RGS21: variants seen among roughly 807,000 people sequenced by gnomAD.
RGS21 encodes regulator of G protein signaling 21.
A neutral mutation model predicts 18.7 loss-of-function variants in RGS21; 19 were observed. The observed-to-expected ratio is 1.01, with a 90% CI of 0.71 to 1.49. The LOEUF (loss-of-function observed/expected upper bound fraction) is 1.49. RGS21 is among the 40% of genes most tolerant of loss of function. RGS21 has a pLI of 0.00. For synonymous variants in RGS21, 56 were observed against 57.8 expected (o/e 0.97, Z 0.14); for missense variants, 194 against 176.8 (o/e 1.10, Z -0.55).
rs1658997741 is a variant in RGS21 at position 192,349,165 on chromosome 1, C to A, written c.88+1776C>A. Among the ~76,000 whole-genome samples, 5 of 152,142 alleles carry A rather than the reference C, an allele frequency of 3.3e-5. No individual in the cohort carries two copies. In the South Asian group the frequency reaches 1.0e-3, roughly 32 times the overall value. ...AATTATCTCTCTGTGTGTTGTGACT[C>A]AGAAGAATCCAGAGTGGTGGAAGTC... is the stretch of plus-strand genomic sequence containing the variant. On this transcript the variant is annotated intron_variant, in intron 3 of 4. Coordinates refer to ENST00000417209, the MANE Select transcript of RGS21 (RefSeq NM_001039152.3).
chr1:192,342,670 T>C (rs576203846), intron 1 of RGS21, among the ~76,000 whole-genome samples: 1 of 151,788 alleles, frequency 6.6e-6, no homozygotes, highest in Admixed American at 6.6e-5. Context: ...ATATTTATAA[T>C]ATGTATATCA....
chr1:192,358,440 A>G (rs1385914861), intron 4 of RGS21, among the ~76,000 whole-genome samples: 1 of 152,052 alleles, frequency 6.6e-6, no homozygotes, highest in Non-Finnish European at 1.5e-5. Flanking sequence ...TGATGCCAAA[A>G]TGAAGTAATA....
intron 4 of RGS21, among the ~76,000 whole-genome samples, chr1:192,362,055 T>C (rs1659193813): frequency 6.6e-6 from 1 of 152,128 alleles, no homozygotes; most frequent in African/African-American, 2.4e-5. Flanking sequence ...AGGTAAAATA[T>C]TCACTTTGGG....
chr1:192,329,710 T>C (rs1278714863), intron 1 of RGS21, among the ~76,000 whole-genome samples: 1 of 152,056 alleles, frequency 6.6e-6, no homozygotes, highest in Non-Finnish European at 1.5e-5. Context: ...ATAATCTTAC[T>C]GCCTCAGGCA....
rs1021322901 is a variant in RGS21, at chr1:192,364,657, C to T, written c.256-1264C>T. On this transcript the variant is annotated intron_variant, in intron 4 of 4. Transcript: ENST00000417209. Reference sequence around the variant, plus strand: ...ATAAATTGTCATTTATAGTTCCATACTCCAAAATTCTAACATTTTTACCAT... The same window carrying T: ...ATAAATTGTCATTTATAGTTCCATATTCCAAAATTCTAACATTTTTACCAT... Among the ~76,000 whole-genome samples, 3 of 152,064 alleles carry T rather than the reference C, an allele frequency of 2.0e-5. No individual in the cohort carries two copies. The East Asian group carries it at 5.8e-4, about 29-fold the overall frequency.
chr1:192,324,235 A>G (rs1287656397), intron 1 of RGS21, among the ~76,000 whole-genome samples: 1 of 152,056 alleles, frequency 6.6e-6, no homozygotes, highest in Non-Finnish European at 1.5e-5. Flanking sequence ...TTTGGTTGAA[A>G]CAAAGTTAGT....
chr1:192,365,653 G>A (rs952246530), intron 4 of RGS21, among the ~76,000 whole-genome samples: 1 of 152,028 alleles, frequency 6.6e-6, no homozygotes, highest in Non-Finnish European at 1.5e-5. Context: ...AAAATATCTT[G>A]CTTGCTTTTT....
intron 4 of RGS21, among the ~76,000 whole-genome samples, chr1:192,359,643 A>ATGTG (rs541800064): frequency 2.1e-4 from 27 of 126,526 alleles, no homozygotes; most frequent in Admixed American, 1.8e-3. Flanking sequence ...ATATGTTTAT[A>ATGTG]TGTGTGTGTG....
intron 1 of RGS21, among the ~76,000 whole-genome samples, chr1:192,339,245 T>A (rs896160116): frequency 9.9e-5 from 15 of 152,032 alleles, no homozygotes; most frequent in African/African-American, 3.6e-4. Flanking sequence ...GAACATTGTT[T>A]AGCACTTGCA....
In RGS21 at chr1:192,366,220, A is replaced by G; in HGVS notation, c.*96A>G. 1 of 778,664 alleles carries G rather than the reference A, an allele frequency of 1.3e-6. No homozygotes were observed. The highest frequency in any genetic ancestry group is 2.1e-6 in the Non-Finnish European group (1 of 478,886). 48.2% of individuals were successfully genotyped at this position (778,664 alleles called of 1,614,324 possible). A position where few individuals can be genotyped will look rare whatever the true frequency, so the allele number is the denominator to read the frequency against. On this transcript the variant is annotated 3_prime_UTR_variant, in exon 5 of 5. Transcript: ENST00000417209. The stretch of plus-strand genomic sequence containing the variant: ...GTCTTTTGTTTTGTTTTTAGGATTT[A>G]GAAAACATTTTTTACCCAAACAGAT...
intron 4 of RGS21, among the ~76,000 whole-genome samples, chr1:192,355,176 T>C (rs1318930085): frequency 6.6e-6 from 1 of 151,698 alleles, no homozygotes. Flanking sequence ...TGTCATAAGC[T>C]ATTTATCTCT....
At chr1:192,325,252 C>T (rs965077917) in intron 1 of RGS21, among the ~76,000 whole-genome samples, 1 of 152,008 alleles carries the variant, frequency 6.6e-6, no homozygotes. Context: ...AATTAATTTG[C>T]TTATGATAAT....
At chr1:192,344,334 A>T (rs1658916423) in intron 2 of RGS21, among the ~76,000 whole-genome samples, 1 of 152,128 alleles carries the variant, frequency 6.6e-6, no homozygotes, top group Non-Finnish European at 1.5e-5. Flanking sequence ...GTATGAAATA[A>T]CTTGGGTTAA....
intron 3 of RGS21, among the ~76,000 whole-genome samples, chr1:192,348,486 A>G (rs1361098121): frequency 6.6e-6 from 1 of 152,212 alleles, no homozygotes; most frequent in African/African-American, 2.4e-5. Flanking sequence ...TGTTATTCTC[A>G]CTTTCAGTGA....
chr1:192,318,595 A>G (rs1658451282), intron 1 of RGS21, among the ~76,000 whole-genome samples: 1 of 152,134 alleles, frequency 6.6e-6, no homozygotes, highest in Admixed American at 6.6e-5. Flanking sequence ...TAGGTCAGAT[A>G]TCATTTACTT....
intron 2 of RGS21, among the ~76,000 whole-genome samples, chr1:192,344,108 TATTGTTCATGAATTCTTAA>T (rs1203474715): frequency 1.3e-5 from 2 of 152,114 alleles, no homozygotes; most frequent in Non-Finnish European, 1.5e-5. Flanking sequence ...TCATGAATAA[TATTGTTCATGAATTCTTAA>T]ATTCTGTTTC....
chr1:192,358,284 T>A (rs1659137471), intron 4 of RGS21, among the ~76,000 whole-genome samples: 1 of 152,034 alleles, frequency 6.6e-6, no homozygotes, highest in South Asian at 2.1e-4. Flanking sequence ...ACCTCCCACC[T>A]TGTATTTCTG....
In RGS21 at chr1:192,366,496, A is replaced by T. The variant is rs1430927534; in HGVS notation, c.*372A>T. The T allele has an allele frequency of 6.5e-6, 1 of 152,904 alleles. No homozygotes were observed. The highest frequency in any genetic ancestry group is 1.5e-5 in the Non-Finnish European group (1 of 68,546). 9.5% of individuals were successfully genotyped at this position (152,904 alleles called of 1,614,324 possible). A position where few individuals can be genotyped will look rare whatever the true frequency, so the allele number is the denominator to read the frequency against. Reference sequence around the variant, plus strand: ...TAAATACCATTGCTTTATTCAAAAAAATCTCACTTTTGTAAAAAGAGAATT... The same window carrying T: ...TAAATACCATTGCTTTATTCAAAAATATCTCACTTTTGTAAAAAGAGAATT... On this transcript the variant is annotated 3_prime_UTR_variant, in exon 5 of 5. Transcript: ENST00000417209.
At chr1:192,320,520 GTGTATA>G (rs1318358249) in intron 1 of RGS21, among the ~76,000 whole-genome samples, 41 of 97,936 alleles carry the variant, frequency 4.2e-4, no homozygotes, top group African/African-American at 1.8e-3. Context: ...GTATGTGTAT[GTGTATA>G]TGTATGTGTA....
Sources: allele counts gnomAD v4.1 joint callset (sites outside exome capture counted in the v4.1 genomes callset), GRCh38; gene constraint gnomAD v4.1.1; transcripts MANE v1.5; gene names NCBI Gene and HGNC (gene_info 2026-07-23, HGNC 2026-07-21).